RBMS3: variants seen among roughly 807,000 people sequenced by gnomAD.
RBMS3 encodes the protein RNA-binding motif, single-stranded-interacting protein 3.
A neutral mutation model predicts 66.8 loss-of-function variants in RBMS3; 27 were observed. That is an observed-to-expected ratio of 0.40 (90% CI 0.30 to 0.56). The LOEUF (loss-of-function observed/expected upper bound fraction) is 0.56. Among genes scored for constraint, RBMS3 ranks in the 20% least tolerant of loss-of-function variants. RBMS3 has a pLI of 0.40. For missense variants in RBMS3, 513 were observed against 549.5 expected, an observed-to-expected ratio of 0.93 and a Z score of 0.66; for synonymous variants, 188 against 183.0, an observed-to-expected ratio of 1.03 and a Z score of -0.22.
intron 1 of RBMS3, among the ~76,000 whole-genome samples, chr3:29,327,515 CTTAATAT>C (rs2035411748): frequency 6.6e-6 from 1 of 152,116 alleles, no homozygotes; most frequent in South Asian, 2.1e-4. Context: ...CCTTCTGTTA[CTTAATAT>C]TATCACTATT....
chr3:29,899,701 A>T lies in RBMS3; in HGVS notation c.889-4A>T. 1.2e-6 allele frequency: 2 copies of T among 1,609,386 alleles called. No homozygotes were observed. The highest frequency in any genetic ancestry group is 1.7e-6 in the Non-Finnish European group (2 of 1,177,364). ...TGTGCTAATAAATGCTGTTTGATGCATAGGTCCAGAGTACTTCATGGATGC... is the reference window on the plus strand; with the variant it reads ...TGTGCTAATAAATGCTGTTTGATGCTTAGGTCCAGAGTACTTCATGGATGC... On this transcript the variant is annotated splice_polypyrimidine_tract_variant and splice_region_variant and intron_variant, in intron 9 of 14. Coordinates refer to ENST00000383767, the MANE Select transcript of RBMS3 (RefSeq NM_001003793.3).
chr3:29,969,546 A>G (rs1697087042), intron 12 of RBMS3, among the ~76,000 whole-genome samples: 2 of 152,192 alleles, frequency 1.3e-5, no homozygotes, highest in East Asian at 3.9e-4. Context: ...GCTGACCCAT[A>G]AGCTTACACT....
At chr3:29,709,657 A>G (rs2053070050) in intron 4 of RBMS3, among the ~76,000 whole-genome samples, 1 of 152,204 alleles carries the variant, frequency 6.6e-6, no homozygotes, top group Non-Finnish European at 1.5e-5. Context: ...TGTCCAATAT[A>G]AACAAAAACA....
chr3:29,908,632 G>T (rs1024074159), intron 10 of RBMS3, among the ~76,000 whole-genome samples: 6 of 152,118 alleles, frequency 3.9e-5, no homozygotes, highest in African/African-American at 1.4e-4. Context: ...GCTTGATTCA[G>T]TCTTTCTTTC....
chr3:29,723,922 C>T (rs1043261349), intron 4 of RBMS3, among the ~76,000 whole-genome samples: 7 of 151,938 alleles, frequency 4.6e-5, no homozygotes, highest in African/African-American at 1.7e-4. Flanking sequence ...ACTGTAAATA[C>T]TCCCAGGGAA....
chr3:29,675,003 A>G lies in RBMS3; in HGVS notation c.400-64717A>G, dbSNP rs559605591. On this transcript the variant is annotated intron_variant, in intron 4 of 14. Transcript: ENST00000383767. ...GCATCACGCTACCTGACTTCAAACTATACTACAAGGCTACAGTAACAAAAA... is the reference window on the plus strand; with the variant it reads ...GCATCACGCTACCTGACTTCAAACTGTACTACAAGGCTACAGTAACAAAAA... Among the ~76,000 whole-genome samples, 974 of 152,336 alleles carry G rather than the reference A, an allele frequency of 6.4e-3. 6 individuals are homozygous for G. The highest frequency in any genetic ancestry group is 8.9e-3 in the Non-Finnish European group (604 of 68,028).
chr3:29,395,863 A>C (rs1299801606), intron 1 of RBMS3, among the ~76,000 whole-genome samples: 1 of 152,214 alleles, frequency 6.6e-6, no homozygotes, highest in African/African-American at 2.4e-5. Flanking sequence ...TAAATAATGA[A>C]ACATATAATA....
chr3:29,589,874 A>G (rs1036653447), intron 4 of RBMS3, among the ~76,000 whole-genome samples: 15 of 152,030 alleles, frequency 9.9e-5, no homozygotes, highest in Admixed American at 8.5e-4. Flanking sequence ...CCAACACTCT[A>G]GTTTCCCAAT....
intron 6 of RBMS3, chr3:29,766,695 T>C (rs2055944125): frequency 6.6e-6 from 1 of 151,976 alleles, no homozygotes; most frequent in Admixed American, 6.6e-5. Flanking sequence ...TTTTAGATTA[T>C]AATGTTATCC....
chr3:29,295,152 T>A (rs2125432934), intron 1 of RBMS3, among the ~76,000 whole-genome samples: 1 of 151,358 alleles, frequency 6.6e-6, no homozygotes, highest in South Asian at 2.1e-4. Flanking sequence ...ACTGTGATTT[T>A]GGTTTGGACT....
chr3:29,992,596 C>T lies in RBMS3; in HGVS notation c.1307+1387C>T, dbSNP rs1698957665. ...CAGCCTGGGTGACAGAGCAAGACTC[C>T]GTCTCAAAAAAAAAGAACTATAGGT... is the stretch of plus-strand genomic sequence containing the variant. On this transcript the variant is annotated intron_variant, in intron 14 of 14. Coordinates refer to ENST00000383767, the MANE Select transcript of RBMS3 (RefSeq NM_001003793.3). Among the ~76,000 whole-genome samples the T allele has an allele frequency of 2.7e-5, 4 of 150,694 alleles. No individual in the cohort carries two copies. In the South Asian group the frequency reaches 6.3e-4, roughly 24 times the overall value.
intron 10 of RBMS3, among the ~76,000 whole-genome samples, chr3:29,935,792 G>A (rs1388827796): frequency 2.0e-5 from 3 of 152,006 alleles, no homozygotes; most frequent in Non-Finnish European, 2.9e-5. Context: ...TGGGCAAGAG[G>A]ATATAGATGA....
chr3:29,669,808 A>G (rs2050920204), intron 4 of RBMS3, among the ~76,000 whole-genome samples: 1 of 152,050 alleles, frequency 6.6e-6, no homozygotes, highest in Non-Finnish European at 1.5e-5. Flanking sequence ...GTGCTGAAGG[A>G]AGGACTGGTT....
intron 1 of RBMS3, among the ~76,000 whole-genome samples, chr3:29,390,115 G>T (rs1325494347): frequency 6.6e-6 from 1 of 152,106 alleles, no homozygotes; most frequent in Non-Finnish European, 1.5e-5. Context: ...ATCAAGTTTT[G>T]ATTTTTGTTT....
intron 6 of RBMS3, among the ~76,000 whole-genome samples, chr3:29,866,077 T>TAAAAAAAAAAAAAAAAAAAA (rs35591949): frequency 1.9e-5 from 2 of 105,576 alleles, no homozygotes; most frequent in African/African-American, 7.7e-5. Flanking sequence ...CACCAAATAC[T>TAAAAAAAAAAAAAAAAAAAA]AAAAAAAAAA....
intron 3 of RBMS3, among the ~76,000 whole-genome samples, chr3:29,557,196 T>C (rs1576219313): frequency 6.6e-6 from 1 of 152,232 alleles, no homozygotes; most frequent in East Asian, 1.9e-4. Flanking sequence ...TGCAGATATG[T>C]TCTGAGTTAA....
chr3:29,339,183 G>A, intron 1 of RBMS3, among the ~76,000 whole-genome samples: 1 of 152,218 alleles, frequency 6.6e-6, no homozygotes, highest in South Asian at 2.1e-4. Flanking sequence ...CTGGAGATAA[G>A]TAGGGAAGCC....
At chr3:29,361,234 G>T (rs952660164) in intron 1 of RBMS3, among the ~76,000 whole-genome samples, 9 of 151,986 alleles carry the variant, frequency 5.9e-5, no homozygotes, top group Non-Finnish European at 1.3e-4. Context: ...CTCTTGTAGG[G>T]CAGGCCTGGT....
chr3:29,720,431 T>C (rs1049063556), intron 4 of RBMS3, among the ~76,000 whole-genome samples: 1 of 152,104 alleles, frequency 6.6e-6, no homozygotes, highest in Non-Finnish European at 1.5e-5. Context: ...ACAGTAACCC[T>C]ATGGTAGTAG....
Sources: gnomAD v4.1 joint callset for allele counts (sites outside exome capture counted in the v4.1 genomes callset) on GRCh38, gnomAD v4.1.1 for gene constraint, MANE v1.5 for transcripts, NCBI Gene and HGNC (gene_info 2026-07-23, HGNC 2026-07-21) for gene names.